ITGA1: variants seen among roughly 807,000 people sequenced by gnomAD.
ITGA1 encodes the protein integrin subunit alpha 1, also known as integrin alpha-1.
A neutral mutation model predicts 145.9 loss-of-function variants in ITGA1; 85 were observed. That is an observed-to-expected ratio of 0.58 (90% CI 0.49 to 0.70). ITGA1 has a LOEUF of 0.70. ITGA1 is among the 30% of genes least tolerant of loss of function. The pLI is 0.00. For missense variants in ITGA1, 1,351 were observed against 1,418.7 expected (o/e 0.95, Z 0.77); for synonymous variants, 520 against 495.3 (o/e 1.05, Z -0.66).
At chr5:52,810,895 A>C (rs1452249869) in intron 1 of ITGA1, among the ~76,000 whole-genome samples, 2 of 152,196 alleles carry the variant, frequency 1.3e-5, no homozygotes, top group African/African-American at 4.8e-5. Context: ...GGAGAAGGTC[A>C]AGGCCTTTTT....
intron 26 of ITGA1, 136 bp downstream of exon 26, chr5:52,940,080 C>T: frequency 1.5e-6 from 1 of 652,198 alleles, no homozygotes. Flanking sequence ...TGACCAAGCC[C>T]CAGCTCTACT....
At chr5:52,802,074 A>G in intron 1 of ITGA1, 1 of 435,658 alleles carries the variant, frequency 2.3e-6, no homozygotes, top group South Asian at 3.3e-5. Context: ...GTAATTTTTT[A>G]TAGGAATTAT....
At chr5:52,868,332 A>T (rs975352662) in intron 6 of ITGA1, among the ~76,000 whole-genome samples, 2 of 152,244 alleles carry the variant, frequency 1.3e-5, no homozygotes, top group South Asian at 4.1e-4. Context: ...AAGAAAATCC[A>T]TACGGCTCTT....
chr5:52,857,745 G>A (rs1749539244), intron 2 of ITGA1, among the ~76,000 whole-genome samples: 1 of 152,074 alleles, frequency 6.6e-6, no homozygotes, highest in South Asian at 2.1e-4. Context: ...ATATTTCGAG[G>A]TGGTAATATT....
At chr5:52,878,067 T>C (rs995633683) in intron 6 of ITGA1, among the ~76,000 whole-genome samples, 3 of 152,180 alleles carry the variant, frequency 2.0e-5, no homozygotes, top group Admixed American at 2.0e-4. Context: ...AAGGGGAGTT[T>C]CTACTTGAGT....
rs1346690200 is a variant in ITGA1 at position 52,897,459 on chromosome 5, A to T, written c.1095A>T (p.Thr365=). The change falls in exon 10 of 29, where the codon ACA becomes ACT. Residue 365 remains threonine (T), a synonymous_variant. Coordinates refer to ENST00000282588, the MANE Select transcript of ITGA1 (RefSeq NM_181501.2). ...TGATATTTTCCTATGTTATAGCCAC[A>T]GCTGACCAGTCAGCAGCTTCATTTG... The part of the protein sequence containing the change: ...LGERIFALEA[T]ADQSAASFEM... 9 of 1,608,568 alleles carry T rather than the reference A, an allele frequency of 5.6e-6. No homozygotes were observed. Among genetic ancestry groups the T allele is most frequent in the African/African-American group, 1.3e-5 (1 of 74,782 alleles).
intron 1 of ITGA1, chr5:52,801,625 G>T: frequency 1.2e-6 from 2 of 1,614,106 alleles, no homozygotes; most frequent in South Asian, 1.1e-5. Context: ...GCTCATCAGC[G>T]ATGAGCTCTT....
Position 52,929,507 on chromosome 5 carries a change from A to G in ITGA1, c.2695-118A>G, listed in dbSNP as rs1750864149. ...ATACAATAAGGTTTCATTTTGTAAGACAATGTTTCTCAAATAACTTCATAA... is the reference window on the plus strand; with the variant it reads ...ATACAATAAGGTTTCATTTTGTAAGGCAATGTTTCTCAAATAACTTCATAA... On this transcript the variant is annotated intron_variant, in intron 20 of 28. Transcript: ENST00000282588. 4 of 637,650 alleles carry G rather than the reference A, an allele frequency of 6.3e-6. No homozygotes were observed. In the Admixed American group the frequency reaches 1.2e-4, roughly 19 times the overall value. 39.5% of individuals were successfully genotyped at this position (637,650 alleles called of 1,614,324 possible).
intron 1 of ITGA1, among the ~76,000 whole-genome samples, chr5:52,829,803 TTTTTTG>T (rs1467512974): frequency 1.3e-5 from 2 of 152,140 alleles, no homozygotes; most frequent in African/African-American, 4.8e-5. Flanking sequence ...ACATTCCTGG[TTTTTTG>T]TTTTTGTTTC....
At chr5:52,938,557 G>A (rs574562922) in intron 24 of ITGA1, among the ~76,000 whole-genome samples, 1 of 152,060 alleles carries the variant, frequency 6.6e-6, no homozygotes, top group Admixed American at 6.5e-5. Context: ...ATCCAAAAAA[G>A]CAGGTTTGTG....
rs550987034 is a variant in ITGA1, at chr5:52,892,442, G to C, written c.925-1233G>C. ...GATTACTGTGGAAAGCAGTTTGGCA[G>C]TTTCTTAAAAAGTTAATCATTCACT... On this transcript the variant is annotated intron_variant, in intron 8 of 28. Transcript: ENST00000282588. Among the ~76,000 whole-genome samples the C allele has an allele frequency of 2.0e-5, 3 of 152,208 alleles. No homozygotes were observed. The South Asian group carries it at 6.2e-4, about 32-fold the overall frequency.
intron 2 of ITGA1, among the ~76,000 whole-genome samples, chr5:52,859,100 A>G (rs1465952303): frequency 6.6e-6 from 1 of 152,158 alleles, no homozygotes; most frequent in Non-Finnish European, 1.5e-5. Context: ...GTATAAATTC[A>G]ATAAAGCCTA....
At chr5:52,802,491 A>C (rs747479120) in intron 1 of ITGA1, 1 of 152,198 alleles carries the variant, frequency 6.6e-6, no homozygotes, top group Non-Finnish European at 1.5e-5. Flanking sequence ...TTTAGAGGGT[A>C]ACTTAAATCA....
chr5:52,901,310 G>T (rs1750310560), intron 11 of ITGA1, among the ~76,000 whole-genome samples: 1 of 152,186 alleles, frequency 6.6e-6, no homozygotes, highest in East Asian at 1.9e-4. Context: ...ACACTGACCT[G>T]CCAATATCCT....
intron 26 of ITGA1, among the ~76,000 whole-genome samples, chr5:52,940,894 A>G (rs1217565446): frequency 6.6e-6 from 1 of 152,148 alleles, no homozygotes; most frequent in Non-Finnish European, 1.5e-5. Context: ...TACAGATTCC[A>G]TCGCTCAGGT....
chr5:52,946,119 A>G (rs1006301740), intron 27 of ITGA1, among the ~76,000 whole-genome samples: 2 of 152,256 alleles, frequency 1.3e-5, no homozygotes, highest in Non-Finnish European at 2.9e-5. Context: ...AATTATATCT[A>G]TATTGATAAA....
chr5:52,952,849 A>T lies in ITGA1; in HGVS notation c.*398A>T, dbSNP rs1751244946. The T allele has an allele frequency of 6.6e-6, 1 of 152,632 alleles. No homozygotes were observed. Among genetic ancestry groups the T allele is most frequent in the Non-Finnish European group, 1.5e-5 (1 of 68,312 alleles). 9.5% of individuals were successfully genotyped at this position (152,632 alleles called of 1,614,324 possible). A position where few individuals can be genotyped will look rare whatever the true frequency, so the allele number is the denominator to read the frequency against. ...CTTTTCCCCTTGATTCCTGTTGGATATCCATGTTCAGCATGACAGTCAGCA... is the reference window on the plus strand; with the variant it reads ...CTTTTCCCCTTGATTCCTGTTGGATTTCCATGTTCAGCATGACAGTCAGCA... On this transcript the variant is annotated 3_prime_UTR_variant, in exon 29 of 29. Coordinates refer to ENST00000282588, the MANE Select transcript of ITGA1 (RefSeq NM_181501.2).
At chr5:52,817,775 A>G (rs1286144820) in intron 1 of ITGA1, among the ~76,000 whole-genome samples, 1 of 152,262 alleles carries the variant, frequency 6.6e-6, no homozygotes, top group Non-Finnish European at 1.5e-5. Flanking sequence ...CGTATTTATA[A>G]ATATGTATCT....
At chr5:52,946,812 T>C (rs1751142019) in intron 27 of ITGA1, among the ~76,000 whole-genome samples, 1 of 152,164 alleles carries the variant, frequency 6.6e-6, no homozygotes, top group Non-Finnish European at 1.5e-5. Context: ...TGTGGTATAA[T>C]GAAGAGCACA....
Sources: allele counts gnomAD v4.1 joint callset (sites outside exome capture counted in the v4.1 genomes callset), GRCh38; gene constraint gnomAD v4.1.1; transcripts MANE v1.5; gene names NCBI Gene and HGNC (gene_info 2026-07-23, HGNC 2026-07-21).